Variants in LAMC3 observed in about 807,000 individuals in gnomAD.
LAMC3 encodes the protein laminin subunit gamma-3.
Under a neutral mutation model 173.8 loss-of-function variants are expected in LAMC3, and 128 were observed. That is an observed-to-expected ratio of 0.74 (90% CI 0.64 to 0.85). The LOEUF is 0.85. Ranked by LOEUF, LAMC3 falls within the 40% of genes least tolerant of loss-of-function variation. The pLI is 0.00. For missense variants in LAMC3, 2,022 were observed against 2,156.0 expected, an observed-to-expected ratio of 0.94 and a Z score of 1.23; for synonymous variants, 897 against 909.1, an observed-to-expected ratio of 0.99 and a Z score of 0.24.
chr9:131,042,480 T>C (rs1178854027), intron 7 of LAMC3, among the ~76,000 whole-genome samples: 8 of 142,264 alleles, frequency 5.6e-5, no homozygotes, highest in Non-Finnish European at 9.2e-5. Flanking sequence ...ACCCTCCCTT[T>C]TCACACTCAC....
chr9:131,030,843 C>T (rs550041293), intron 2 of LAMC3, among the ~76,000 whole-genome samples: 1 of 152,356 alleles, frequency 6.6e-6, no homozygotes, highest in South Asian at 2.1e-4. Context: ...AGCATCAGTA[C>T]CTGGGCACTT....
chr9:131,077,449 G>T (rs1231213173), intron 22 of LAMC3, 115 bp downstream of exon 22: 18 of 1,346,672 alleles, frequency 1.3e-5, no homozygotes, highest in Non-Finnish European at 1.7e-5. Flanking sequence ...GGCCGAGGCG[G>T]GTGGATCACC....
At chr9:131,012,816 T>A (rs1409397455) in intron 1 of LAMC3, among the ~76,000 whole-genome samples, 1 of 152,020 alleles carries the variant, frequency 6.6e-6, no homozygotes, top group African/African-American at 2.4e-5. Context: ...TGGCCCGGGG[T>A]CTCCTAGAGG....
intron 6 of LAMC3, among the ~76,000 whole-genome samples, chr9:131,039,558 C>T (rs1405788910): frequency 1.3e-5 from 2 of 150,900 alleles, no homozygotes; most frequent in Non-Finnish European, 2.9e-5. Context: ...GTGGGGGGCA[C>T]GGGAGGCCTC....
chr9:131,032,435 C>G (rs1833842167), intron 3 of LAMC3, among the ~76,000 whole-genome samples: 1 of 151,222 alleles, frequency 6.6e-6, no homozygotes, highest in African/African-American at 2.4e-5. Context: ...AGGTTCCTTC[C>G]TTCCTCCCTC....
Position 131,026,736 on chromosome 9 carries a change from G to A in LAMC3, c.678+147G>A. ...TTCTTCTTTTATTTTTGGAGACTGA[G>A]TCTTGCTCTGTCGCCCAGGCTGGAG... On this transcript the variant is annotated intron_variant, in intron 2 of 27. Coordinates refer to ENST00000361069, the MANE Select transcript of LAMC3 (RefSeq NM_006059.4). The surrounding 1 kb of genome is among the most constrained non-coding windows in gnomAD (Gnocchi z 4.8). 3.7e-6 allele frequency: 5 copies of A among 1,361,260 alleles called. No individual in the cohort carries two copies. Among genetic ancestry groups the A allele is most frequent in the African/African-American group, 1.5e-5 (1 of 68,378 alleles). 84.3% of individuals were successfully genotyped at this position (1,361,260 alleles called of 1,614,324 possible).
chr9:131,044,593 A>G (rs1834115593), intron 7 of LAMC3, among the ~76,000 whole-genome samples: 1 of 152,184 alleles, frequency 6.6e-6, no homozygotes. Flanking sequence ...GTGATTGCAC[A>G]GTGGAGAGAC....
intron 20 of LAMC3, among the ~76,000 whole-genome samples, chr9:131,074,431 C>T (rs887080335): frequency 6.6e-6 from 1 of 151,908 alleles, no homozygotes; most frequent in Non-Finnish European, 1.5e-5. Context: ...TGCGGTGGCT[C>T]ACGCCTGTAA....
chr9:131,083,814 G>A (rs554375411), intron 24 of LAMC3, among the ~76,000 whole-genome samples: 1 of 149,438 alleles, frequency 6.7e-6, no homozygotes, highest in South Asian at 2.1e-4. Flanking sequence ...AAGATTAGAA[G>A]GCTTTATTCA....
At chr9:131,013,734 C>A (rs922905917) in intron 1 of LAMC3, among the ~76,000 whole-genome samples, 1 of 152,190 alleles carries the variant, frequency 6.6e-6, no homozygotes, top group African/African-American at 2.4e-5. Flanking sequence ...GGATGTTCTT[C>A]GACCTGCCGG....
intron 1 of LAMC3, among the ~76,000 whole-genome samples, chr9:131,016,111 C>T (rs946165568): frequency 6.6e-6 from 1 of 152,172 alleles, no homozygotes; most frequent in Non-Finnish European, 1.5e-5. Flanking sequence ...TATAGACGAA[C>T]CCTGAGGACA....
chr9:131,084,163 G>A (rs1047258464), intron 24 of LAMC3, among the ~76,000 whole-genome samples: 1 of 151,640 alleles, frequency 6.6e-6, no homozygotes, highest in African/African-American at 2.4e-5. Context: ...GATTACAGGC[G>A]TAAGTCACCG....
chr9:131,069,181 G>T (rs942365070), intron 16 of LAMC3, 131 bp downstream of exon 16: 3 of 1,087,724 alleles, frequency 2.8e-6, no homozygotes, highest in African/African-American at 3.1e-5. Flanking sequence ...CCCGAGAGCA[G>T]CCGGAAGCAT....
At position 131,026,604 on chromosome 9, in the gene LAMC3, G is replaced by T; in HGVS notation, c.678+15G>T. On this transcript the variant is annotated intron_variant, in intron 2 of 27. Coordinates refer to ENST00000361069, the MANE Select transcript of LAMC3 (RefSeq NM_006059.4). This position sits in a 1 kb window ranked among gnomAD's most constrained non-coding sequence, Gnocchi z 4.8. ...CTGGGCTGCAGGTCAGGGAGGAGCGGGGCTTCGGAGGTTGGGACGGGGTTG... is the reference window on the plus strand; with the variant it reads ...CTGGGCTGCAGGTCAGGGAGGAGCGTGGCTTCGGAGGTTGGGACGGGGTTG... The T allele has an allele frequency of 1.9e-6, 3 of 1,559,160 alleles. No individual in the cohort carries two copies. The highest frequency in any genetic ancestry group is 2.6e-6 in the Non-Finnish European group (3 of 1,152,696).
At chr9:131,033,493 C>T (rs907407674) in intron 3 of LAMC3, among the ~76,000 whole-genome samples, 4 of 151,776 alleles carry the variant, frequency 2.6e-5, no homozygotes, top group African/African-American at 9.7e-5. Context: ...GGACGGCCAA[C>T]GTGGCTGGGT....
In LAMC3 at chr9:131,091,638, A is replaced by C; in HGVS notation, c.4579A>C (p.Arg1527=). ...GCTGGGCTCCCCGGGGTCCTTGCAG[A>C]GGAAACTCAGTCTGCTGGAGCAGGA... The part of the protein sequence containing the change: ...LQLGSPGSLQ[R]KLSLLEQESQ... Residue 1527 remains arginine (R), a synonymous_variant, in exon 28 of 28, where the codon AGG becomes CGG. Coordinates refer to ENST00000361069, the MANE Select transcript of LAMC3 (RefSeq NM_006059.4). 3 of 1,603,132 alleles carry C rather than the reference A, an allele frequency of 1.9e-6. No homozygotes were observed. The highest frequency in any genetic ancestry group is 1.3e-5 in the African/African-American group (1 of 74,952).
chr9:131,031,502 C>T (rs1198579434), intron 2 of LAMC3, among the ~76,000 whole-genome samples: 2 of 152,212 alleles, frequency 1.3e-5, no homozygotes, highest in Non-Finnish European at 2.9e-5. Flanking sequence ...TGACCCTCAG[C>T]ATGTGAGGAG....
Position 131,026,549 on chromosome 9 carries a change from G to C in LAMC3, c.638G>C (p.Arg213Pro). ...GNVAFSTLEG[R>P]PSAYNFEESP... ...GTGGCCTTCTCCACCCTGGAGGGCC[G>C]GCCCAGCGCCTACAACTTCGAGGAG... The change falls in exon 2 of 28, where the codon CGG becomes CCG. Residue 213 changes from arginine (R) to proline (P), a missense_variant. Coordinates refer to ENST00000361069, the MANE Select transcript of LAMC3 (RefSeq NM_006059.4). This position sits in a 1 kb window ranked among gnomAD's most constrained non-coding sequence, Gnocchi z 4.8. The C allele has an allele frequency of 1.2e-6, 2 of 1,608,074 alleles. No homozygotes were observed. The highest frequency in any genetic ancestry group is 1.7e-6 in the Non-Finnish European group (2 of 1,177,900).
Position 131,046,518 on chromosome 9 carries a change from A to ATTTTTTTTTTTT in LAMC3, c.1519+873_1519+884dup, listed in dbSNP as rs71501242. Among the ~76,000 whole-genome samples, 43 of 49,164 alleles carry ATTTTTTTTTTTT rather than the reference A, an allele frequency of 8.7e-4. 5 individuals are homozygous for ATTTTTTTTTTTT. The highest frequency in any genetic ancestry group is 1.5e-3 in the African/African-American group (21 of 13,606). The allele number at this position is 49,164 out of a possible 152,430, so 32.3% of individuals were successfully genotyped here. On this transcript the variant is annotated intron_variant, in intron 8 of 27. Coordinates refer to ENST00000361069, the MANE Select transcript of LAMC3 (RefSeq NM_006059.4). ...ACCACCATGCCGAGCTAATTTTTGT[A>ATTTTTTTTTTTT]TTTTTTTTTTTTTTTTTTTTTTTTT...
Sources: gnomAD v4.1 joint callset for allele counts (sites outside exome capture counted in the v4.1 genomes callset) on GRCh38, gnomAD v4.1.1 for gene constraint, Gnocchi (gnomAD v3.1) non-coding constraint, MANE v1.5 for transcripts, NCBI Gene and HGNC (gene_info 2026-07-23, HGNC 2026-07-21) for gene names.